Variants in ZMAT3 observed in about 807,000 individuals in gnomAD.
ZMAT3 encodes zinc finger matrin-type protein 3.
ZMAT3 carries 17 observed loss-of-function variants against 32.3 expected under a neutral mutation model. The ratio of observed to expected loss-of-function variants is 0.53; its 90% CI spans 0.36 to 0.79. The LOEUF (loss-of-function observed/expected upper bound fraction) is 0.79, where lower values mean the gene tolerates loss of function less well. Among genes scored for constraint, ZMAT3 ranks in the 30% least tolerant of loss-of-function variants. The probability of loss-of-function intolerance (pLI) is 0.00; values close to 1 mark genes in which losing one functional copy is unlikely to be tolerated. For synonymous variants in ZMAT3, 120 were observed against 133.1 expected (o/e 0.90, Z 0.68); for missense variants, 329 against 359.7 (o/e 0.91, Z 0.69).
At chr3:179,064,385 T>A (rs1233563356) in intron 2 of ZMAT3, among the ~76,000 whole-genome samples, 1 of 152,220 alleles carries the variant, frequency 6.6e-6, no homozygotes, top group Non-Finnish European at 1.5e-5. Flanking sequence ...CTACAATCAT[T>A]GGCATTCTAC....
At chr3:179,030,776 A>C in intron 3 of ZMAT3, 104 bp downstream of exon 3, 1 of 1,472,934 alleles carries the variant, frequency 6.8e-7, no homozygotes, top group Non-Finnish European at 9.0e-7. Flanking sequence ...TATTTTCCCA[A>C]CTGTACCCTA....
intron 2 of ZMAT3, among the ~76,000 whole-genome samples, chr3:179,033,870 C>T (rs1241062308): frequency 6.6e-6 from 1 of 152,238 alleles, no homozygotes; most frequent in Admixed American, 6.5e-5. Flanking sequence ...TTGCCCCCAG[C>T]TCCCTTCTCA....
chr3:179,042,151 G>C (rs910498962), intron 2 of ZMAT3, among the ~76,000 whole-genome samples: 1 of 152,176 alleles, frequency 6.6e-6, no homozygotes, highest in African/African-American at 2.4e-5. Flanking sequence ...AATTCTACCA[G>C]AGGTACAAAG....
intron 2 of ZMAT3, among the ~76,000 whole-genome samples, chr3:179,034,620 C>A (rs1719482635): frequency 6.6e-6 from 1 of 152,152 alleles, no homozygotes; most frequent in African/African-American, 2.4e-5. Context: ...ACCACATATC[C>A]AGCTTCCTCC....
rs116733932 is a variant in ZMAT3, at chr3:179,046,833, A to G, written c.271-15834T>C. On this transcript the variant is annotated intron_variant, in intron 2 of 5. Transcript: ENST00000311417. The surrounding 1 kb of genome is among the most constrained non-coding windows in gnomAD (Gnocchi z 4.3). ...TGGCCCGTTCACACCCCTATTCCCC[A>G]TAGCAGCTGCAGCAAGCCCCACCCA... Among the ~76,000 whole-genome samples, 468 of 152,124 alleles carry G rather than the reference A, an allele frequency of 3.1e-3. 1 individual carries two copies. The highest frequency in any genetic ancestry group is 0.011 in the African/African-American group (445 of 41,510).
chr3:179,019,615 T>C lies in ZMAT3; in HGVS notation c.*5402A>G, dbSNP rs1718443481. On this transcript the variant is annotated 3_prime_UTR_variant, in exon 6 of 6. Transcript: ENST00000311417. ...GAAAATGTTGAGGAACATGTTAACA[T>C]TTCTATAATAAAATCAGTCTAGCAG... 1 of 152,296 alleles carries C rather than the reference T, an allele frequency of 6.6e-6. No individual in the cohort carries two copies. Among genetic ancestry groups the C allele is most frequent in the Non-Finnish European group, 1.5e-5 (1 of 68,010 alleles). 9.4% of individuals were successfully genotyped at this position (152,296 alleles called of 1,614,324 possible). A position where few individuals can be genotyped will look rare whatever the true frequency, so the allele number is the denominator to read the frequency against.
At chr3:179,039,623 A>C (rs1400683075) in intron 2 of ZMAT3, among the ~76,000 whole-genome samples, 1 of 152,246 alleles carries the variant, frequency 6.6e-6, no homozygotes, top group East Asian at 1.9e-4. Context: ...AAAGATGGGG[A>C]GAAACCAGAG....
chr3:179,067,825 A>C lies in ZMAT3; in HGVS notation c.-57-16T>G. 1 of 1,552,986 alleles carries C rather than the reference A, an allele frequency of 6.4e-7. No individual in the cohort carries two copies. The highest frequency in any genetic ancestry group is 8.7e-7 in the Non-Finnish European group (1 of 1,153,166). ...GTCTTCAAATCTGAATCAACAGCAAAAAAACAGAAAAAAAAACTCACTTGA... is the reference window on the plus strand; with the variant it reads ...GTCTTCAAATCTGAATCAACAGCAACAAAACAGAAAAAAAAACTCACTTGA... On this transcript the variant is annotated splice_polypyrimidine_tract_variant and intron_variant, in intron 1 of 5. Transcript: ENST00000311417.
chr3:179,027,559 T>C, intron 4 of ZMAT3, 36 bp from the exon 5 acceptor site: 4 of 1,613,984 alleles, frequency 2.5e-6, no homozygotes, highest in Non-Finnish European at 3.4e-6. Context: ...GTGAGTCTTC[T>C]AAACAAGAAT....
In ZMAT3 at chr3:179,067,598, T is replaced by A. The variant is rs746269403; in HGVS notation, c.155A>T (p.Glu52Val). ...EASLPLAGEE[E>V]LSKGGEQDCA... ...GTCTTGCTCCCCTCCCTTCGATAACTCTTCTTCCCCTGCAAGAGGCAAGGA... is the reference window on the plus strand; with the variant it reads ...GTCTTGCTCCCCTCCCTTCGATAACACTTCTTCCCCTGCAAGAGGCAAGGA... Residue 52 changes from glutamate to valine, a missense_variant, in exon 2 of 6, where the codon GAG becomes GTG. Coordinates refer to ENST00000311417, the MANE Select transcript of ZMAT3 (RefSeq NM_022470.4). 6.2e-7 allele frequency: 1 copy of A among 1,614,138 alleles called. No homozygotes were observed. Among genetic ancestry groups the A allele is most frequent in the Admixed American group, 1.7e-5 (1 of 60,014 alleles).
chr3:179,027,609 A>G (rs762536519), intron 4 of ZMAT3, 37 bp downstream of exon 4: 8 of 1,613,948 alleles, frequency 5.0e-6, no homozygotes, highest in East Asian at 2.2e-5. Context: ...TCAATCTCAC[A>G]TAACACTTTG....
chr3:179,050,379 A>T (rs1720491339), intron 2 of ZMAT3, among the ~76,000 whole-genome samples: 1 of 152,174 alleles, frequency 6.6e-6, no homozygotes, highest in African/African-American at 2.4e-5. Flanking sequence ...AACCTAAAGG[A>T]GATGGGTAGA....
Position 179,067,499 on chromosome 3 carries a change from G to C in ZMAT3, c.254C>G (p.Ala85Gly). Residue 85 changes from alanine to glycine, a missense_variant, in exon 2 of 6, where the codon GCC becomes GGC. Ala to Gly is a moderately conservative substitution (Grantham distance 60). Coordinates refer to ENST00000311417, the MANE Select transcript of ZMAT3 (RefSeq NM_022470.4). ...TCCCTTTACCTGATAATGAGCCTGG[G>C]CTTGCTGTGCAGAGTTCAAGGTGAC... The part of the protein sequence containing the change: ...CNVTLNSAQQ[A>G]QAHYQGKNHG... 2 of 1,614,130 alleles carry C rather than the reference G, an allele frequency of 1.2e-6. No homozygotes were observed. The highest frequency in any genetic ancestry group is 1.6e-4 in the Middle Eastern group (1 of 6,062).
intron 3 of ZMAT3, among the ~76,000 whole-genome samples, chr3:179,029,362 TGAAGCAAG>T: frequency 1.3e-5 from 2 of 152,092 alleles, no homozygotes; most frequent in Non-Finnish European, 2.9e-5. Context: ...GGGACTAAAA[TGAAGCAAG>T]TGAGACACTT....
chr3:179,066,315 T>C (rs1373477037), intron 2 of ZMAT3, among the ~76,000 whole-genome samples: 15 of 152,170 alleles, frequency 9.9e-5, no homozygotes, highest in Admixed American at 9.8e-4. Context: ...CTCAACTCTC[T>C]GCACCTGAGG....
In ZMAT3 at chr3:179,025,202, G is replaced by A. The variant is rs759086085; in HGVS notation, c.685C>T (p.Arg229Trp). Reference sequence around the variant, plus strand: ...GCCAGATCACGTGGAATTCTCTGCCGAGAGCGGGGATTGAAGTAAGGACCT... The same window carrying A: ...GCCAGATCACGTGGAATTCTCTGCCAAGAGCGGGGATTGAAGTAAGGACCT... ...SAGPYFNPRSRQRIPRDLAMC... is the reference protein window; with the variant it reads ...SAGPYFNPRSWQRIPRDLAMC... Residue 229 changes from arginine to tryptophan, a missense_variant, in exon 6 of 6, where the codon CGG (arginine) becomes TGG (tryptophan). Physicochemically the swap from Arg to Trp is moderately radical, Grantham distance 101. Transcript: ENST00000311417. 2.7e-5 allele frequency: 44 copies of A among 1,613,898 alleles called. No individual in the cohort carries two copies. The highest frequency in any genetic ancestry group is 1.5e-4 in the South Asian group (14 of 91,080).
At chr3:179,048,353 A>G (rs1358710720) in intron 2 of ZMAT3, among the ~76,000 whole-genome samples, 1 of 152,236 alleles carries the variant, frequency 6.6e-6, no homozygotes, top group Admixed American at 6.5e-5. Flanking sequence ...GCCTAGGCAT[A>G]CAGTCATCAG....
chr3:179,060,328 T>C (rs1429072028), intron 2 of ZMAT3, among the ~76,000 whole-genome samples: 1 of 151,556 alleles, frequency 6.6e-6, no homozygotes, highest in East Asian at 1.9e-4. Flanking sequence ...TGACAATAGC[T>C]AACAGGATTC....
chr3:179,024,801 A>T lies in ZMAT3; in HGVS notation c.*216T>A. ...CGGCTCAACACCATTGACCCTGCAA[A>T]AGCGTTATGACCTAAGAAGCACGTT... On this transcript the variant is annotated 3_prime_UTR_variant, in exon 6 of 6. Transcript: ENST00000311417. The T allele has an allele frequency of 7.4e-6, 4 of 542,190 alleles. No homozygotes were observed. 33.6% of individuals were successfully genotyped at this position (542,190 alleles called of 1,614,324 possible).
Sources: gnomAD v4.1 joint callset for allele counts (sites outside exome capture counted in the v4.1 genomes callset) on GRCh38, gnomAD v4.1.1 for gene constraint, Gnocchi (gnomAD v3.1) non-coding constraint, MANE v1.5 for transcripts, NCBI Gene and HGNC (gene_info 2026-07-23, HGNC 2026-07-21) for gene names.